AUTS2: variants seen among roughly 807,000 people sequenced by gnomAD.
The protein encoded by AUTS2 is activator of transcription and developmental regulator AUTS2, also known as autism susceptibility gene 2 protein.
AUTS2 carries 17 observed loss-of-function variants against 112.4 expected under a neutral mutation model. The observed-to-expected ratio is 0.15, with a 90% confidence interval of 0.10 to 0.23. AUTS2 has a LOEUF of 0.23. AUTS2 is among the 10% of genes least tolerant of loss of function. AUTS2 has a pLI of 1.00. For missense variants in AUTS2, 1,510 were observed against 1,701.6 expected, an observed-to-expected ratio of 0.89 and a Z score of 1.98; for synonymous variants, 751 against 702.7, an observed-to-expected ratio of 1.07 and a Z score of -1.09.
intron 2 of AUTS2, among the ~76,000 whole-genome samples, chr7:70,088,069 G>C (rs1311472694): frequency 6.6e-6 from 1 of 151,014 alleles, no homozygotes; most frequent in Non-Finnish European, 1.5e-5. Context: ...TGTGGCTAGA[G>C]GTCTGTAAGT....
chr7:70,013,145 G>A (rs1015479034), intron 2 of AUTS2, among the ~76,000 whole-genome samples: 1 of 152,162 alleles, frequency 6.6e-6, no homozygotes, highest in African/African-American at 2.4e-5. Flanking sequence ...TGTGCTGCAG[G>A]CTTGCAGCTG....
chr7:70,435,633 T>G, intron 4 of AUTS2, 119 bp from the exon 5 acceptor site: 1 of 999,520 alleles, frequency 1.0e-6, no homozygotes, highest in South Asian at 1.4e-5. Context: ...AAGACAGCAT[T>G]TTTTATTTCC....
intron 5 of AUTS2, among the ~76,000 whole-genome samples, chr7:70,593,351 T>G (rs1038936205): frequency 5.3e-5 from 8 of 152,190 alleles, no homozygotes; most frequent in African/African-American, 1.9e-4. Context: ...TTTTAATAAA[T>G]GAGAACATAA....
At chr7:70,407,143 C>T (rs1794571712) in intron 4 of AUTS2, among the ~76,000 whole-genome samples, 2 of 152,192 alleles carry the variant, frequency 1.3e-5, no homozygotes, top group Non-Finnish European at 2.9e-5. Context: ...CAGTTGATAG[C>T]TGCTGAGGAG....
intron 4 of AUTS2, among the ~76,000 whole-genome samples, chr7:70,220,010 T>C (rs988391771): frequency 6.6e-6 from 1 of 152,216 alleles, no homozygotes; most frequent in African/African-American, 2.4e-5. Context: ...ATTCAGTAGT[T>C]ACTTATTTGT....
At chr7:69,825,402 A>T (rs1181546382) in intron 1 of AUTS2, among the ~76,000 whole-genome samples, 2 of 152,150 alleles carry the variant, frequency 1.3e-5, no homozygotes, top group African/African-American at 4.8e-5. Context: ...TCTAGGGTAT[A>T]ACTGGGCTGA....
chr7:69,920,659 T>A (rs17141015), intron 2 of AUTS2, among the ~76,000 whole-genome samples: 7,279 of 152,250 alleles, frequency 0.048, 271 homozygotes, highest in East Asian at 0.13. Context: ...AATCCTTCCC[T>A]ATACCCTATT....
intron 5 of AUTS2, among the ~76,000 whole-genome samples, chr7:70,627,071 G>A (rs2129537826): frequency 6.6e-6 from 1 of 152,288 alleles, no homozygotes. Flanking sequence ...TCTGTTTTAA[G>A]TTCTTTGAAA....
intron 4 of AUTS2, among the ~76,000 whole-genome samples, chr7:70,180,857 C>G (rs1809260171): frequency 6.6e-6 from 1 of 152,086 alleles, no homozygotes; most frequent in Non-Finnish European, 1.5e-5. Flanking sequence ...GAAGATTCCT[C>G]TATTGACTAT....
At chr7:70,003,184 AT>A (rs1488759029) in intron 2 of AUTS2, among the ~76,000 whole-genome samples, 4 of 122,882 alleles carry the variant, frequency 3.3e-5, no homozygotes, top group African/African-American at 1.3e-4. Context: ...ATATGAATAT[AT>A]TATATATGAA....
intron 2 of AUTS2, among the ~76,000 whole-genome samples, chr7:70,052,129 G>A (rs768769839): frequency 6.6e-6 from 1 of 152,192 alleles, no homozygotes; most frequent in Non-Finnish European, 1.5e-5. Flanking sequence ...AAGACATAGA[G>A]TGATCTTAAC....
At chr7:70,423,320 A>G (rs1196709875) in intron 4 of AUTS2, among the ~76,000 whole-genome samples, 1 of 152,250 alleles carries the variant, frequency 6.6e-6, no homozygotes, top group Admixed American at 6.5e-5. Context: ...TTGAATATAA[A>G]TAATCTGTGA....
intron 2 of AUTS2, among the ~76,000 whole-genome samples, chr7:69,931,112 TACACAC>T (rs58190258): frequency 0.46 from 68,972 of 148,698 alleles, 16,220 homozygotes; most frequent in Non-Finnish European, 0.53. Context: ...ATTTTGGATT[TACACAC>T]ACACACACAC....
chr7:70,643,714 C>T (rs1805985654), intron 5 of AUTS2, among the ~76,000 whole-genome samples: 2 of 152,138 alleles, frequency 1.3e-5, no homozygotes, highest in South Asian at 4.1e-4. Flanking sequence ...ATCAAAGAAA[C>T]AAACTTTATT....
At position 69,903,831 on chromosome 7, in the gene AUTS2, G is replaced by T. The variant is rs565316464; in HGVS notation, c.522+4333G>T. On this transcript the variant is annotated intron_variant, in intron 2 of 18. Coordinates refer to ENST00000342771, the MANE Select transcript of AUTS2 (RefSeq NM_015570.4). ...AGACTCTAACCTTGCTGGTAAGGAT[G>T]GCTTATGTGGGAATGTCTTATGTGG... 9.8e-5 allele frequency among the ~76,000 whole-genome samples: 15 copies of T among 152,292 alleles called. 1 individual carries two copies. In the South Asian group the frequency reaches 2.9e-3, roughly 29 times the overall value.
At chr7:69,952,597 T>C (rs1366630380) in intron 2 of AUTS2, among the ~76,000 whole-genome samples, 2 of 152,150 alleles carry the variant, frequency 1.3e-5, no homozygotes, top group African/African-American at 2.4e-5. Flanking sequence ...GTCTTATTTT[T>C]CCCTGTTATC....
intron 1 of AUTS2, among the ~76,000 whole-genome samples, chr7:69,689,677 T>A (rs1797237901): frequency 1.1e-5 from 1 of 94,698 alleles, no homozygotes; most frequent in Admixed American, 1.0e-4. Flanking sequence ...TATTTATTTA[T>A]TTATTTATTT....
chr7:70,707,886 C>A (rs947658414), intron 6 of AUTS2, among the ~76,000 whole-genome samples: 2 of 152,206 alleles, frequency 1.3e-5, no homozygotes, highest in African/African-American at 4.8e-5. Context: ...CAACCGATGA[C>A]ATAAGCACAA....
intron 3 of AUTS2, chr7:70,120,473 ACTTTT>A (rs2129573060): frequency 6.6e-6 from 1 of 152,260 alleles, no homozygotes; most frequent in East Asian, 1.9e-4. Flanking sequence ...AACCATGACA[ACTTTT>A]CTTATCTAAG....
Sources: allele counts gnomAD v4.1 joint callset (sites outside exome capture counted in the v4.1 genomes callset), GRCh38; gene constraint gnomAD v4.1.1; transcripts MANE v1.5; gene names NCBI Gene and HGNC (gene_info 2026-07-23, HGNC 2026-07-21).